Variants in DENND2B observed in about 807,000 individuals in gnomAD.
DENND2B encodes the protein DENN domain containing 2B.
In DENND2B, 32 loss-of-function variants were observed where a neutral mutation model predicts 116.0. The ratio of observed to expected loss-of-function variants is 0.28; its 90% CI spans 0.21 to 0.37. DENND2B has a LOEUF of 0.37. Among genes scored for constraint, DENND2B ranks in the 10% least tolerant of loss-of-function variants. The pLI is 1.00. For synonymous variants in DENND2B, 588 were observed against 583.9 expected (o/e 1.01, Z -0.10); for missense variants, 1,276 against 1,477.7 (o/e 0.86, Z 2.24).
intron 1 of DENND2B, among the ~76,000 whole-genome samples, chr11:8,779,375 G>A (rs2058097507): frequency 6.6e-6 from 1 of 152,208 alleles, no homozygotes; most frequent in Non-Finnish European, 1.5e-5. Flanking sequence ...AGCAGGTATG[G>A]AGGAAGGAAA....
rs544343908 is a variant in DENND2B at position 8,762,324 on chromosome 11, G to T, written c.-25-11599C>A. Among the ~76,000 whole-genome samples the T allele has an allele frequency of 3.3e-5, 5 of 152,140 alleles. No homozygotes were observed. The South Asian group carries it at 1.0e-3, about 32-fold the overall frequency. On this transcript the variant is annotated intron_variant, in intron 1 of 19. Coordinates refer to ENST00000313726, the MANE Select transcript of DENND2B (RefSeq NM_213618.2). ...CACACCAGGTGTGTTCCTACCCCAG[G>T]GCCTTCACACCTGCTGTACCCTGTA...
intron 4 of DENND2B, among the ~76,000 whole-genome samples, chr11:8,822,841 C>A (rs1028531897): frequency 2.0e-5 from 3 of 152,222 alleles, no homozygotes; most frequent in African/African-American, 7.2e-5. Context: ...TAATGCAGTA[C>A]TTTCTTTGTA....
chr11:8,819,427 G>A (rs2061685521), intron 4 of DENND2B, among the ~76,000 whole-genome samples: 1 of 152,124 alleles, frequency 6.6e-6, no homozygotes, highest in Admixed American at 6.5e-5. Flanking sequence ...GATAAAATGG[G>A]ATATTTGTGT....
intron 1 of DENND2B, among the ~76,000 whole-genome samples, chr11:8,804,007 A>G (rs1239911177): frequency 6.6e-6 from 1 of 152,214 alleles, no homozygotes; most frequent in Non-Finnish European, 1.5e-5. Context: ...CCAGCAGGAA[A>G]GGGGCAGGCG....
At chr11:8,885,542 T>A (rs2063950966) in intron 1 of DENND2B, among the ~76,000 whole-genome samples, 1 of 152,252 alleles carries the variant, frequency 6.6e-6, no homozygotes, top group African/African-American at 2.4e-5. Flanking sequence ...TTATGCATAC[T>A]TAATTAACAT....
chr11:8,739,196 C>T (rs909407799), intron 2 of DENND2B, among the ~76,000 whole-genome samples: 1 of 152,238 alleles, frequency 6.6e-6, no homozygotes, highest in Non-Finnish European at 1.5e-5. Flanking sequence ...CCTCGCCTTT[C>T]TCTTTGTGGT....
intron 1 of DENND2B, among the ~76,000 whole-genome samples, chr11:8,906,482 AGCCACCGC>A (rs1395732672): frequency 4.2e-5 from 6 of 144,506 alleles, no homozygotes; most frequent in Non-Finnish European, 9.0e-5. Flanking sequence ...TACAGGTGTG[AGCCACCGC>A]GCCCAGCCAA....
At chr11:8,773,258 A>T (rs1262975623) in intron 1 of DENND2B, among the ~76,000 whole-genome samples, 2 of 152,082 alleles carry the variant, frequency 1.3e-5, no homozygotes, top group Non-Finnish European at 2.9e-5. Flanking sequence ...ACAGCCAGCC[A>T]GCCTGCCTGC....
intron 4 of DENND2B, among the ~76,000 whole-genome samples, chr11:8,836,413 C>CTTTTTT (rs67181023): frequency 4.0e-4 from 31 of 77,552 alleles, no homozygotes; most frequent in East Asian, 9.0e-4. Context: ...TTCTGTACTT[C>CTTTTTT]TTTTTTTTTT....
intron 4 of DENND2B, among the ~76,000 whole-genome samples, chr11:8,825,816 A>C (rs536465394): frequency 4.7e-4 from 71 of 152,204 alleles, no homozygotes; most frequent in Non-Finnish European, 8.4e-4. Flanking sequence ...GGAAAGGTTC[A>C]ATATGAGTCA....
At chr11:8,887,849 T>A (rs1192754114) in intron 1 of DENND2B, among the ~76,000 whole-genome samples, 1 of 152,088 alleles carries the variant, frequency 6.6e-6, no homozygotes, top group Non-Finnish European at 1.5e-5. Context: ...CTGAGGTCCC[T>A]CCCCATGATC....
chr11:8,770,087 G>A (rs888577705), intron 1 of DENND2B, among the ~76,000 whole-genome samples: 6 of 152,160 alleles, frequency 3.9e-5, no homozygotes, highest in Non-Finnish European at 8.8e-5. Flanking sequence ...GCTGTGAAGG[G>A]CAACTGTGGC....
chr11:8,830,893 T>C (rs2062179116), intron 4 of DENND2B: 1 of 152,206 alleles, frequency 6.6e-6, no homozygotes, highest in African/African-American at 2.4e-5. Flanking sequence ...AGTGGGAAGA[T>C]AAAAGGAAGA....
At chr11:8,876,675 A>C (rs1318814301) in intron 2 of DENND2B, among the ~76,000 whole-genome samples, 1 of 152,044 alleles carries the variant, frequency 6.6e-6, no homozygotes, top group African/African-American at 2.4e-5. Flanking sequence ...TCAGGAGTTC[A>C]AGACCAGCCT....
At chr11:8,759,674 A>G (rs895872888) in intron 1 of DENND2B, among the ~76,000 whole-genome samples, 3 of 152,244 alleles carry the variant, frequency 2.0e-5, no homozygotes, top group African/African-American at 7.2e-5. Context: ...GTGACAGTAT[A>G]GTGACCCAAC....
intron 1 of DENND2B, among the ~76,000 whole-genome samples, chr11:8,796,262 C>T (rs1366005715): frequency 6.6e-6 from 1 of 152,168 alleles, no homozygotes; most frequent in Non-Finnish European, 1.5e-5. Flanking sequence ...GAAGTATGGA[C>T]CGGACACAGT....
chr11:8,790,974 GT>G (rs2134329354), intron 1 of DENND2B, among the ~76,000 whole-genome samples: 1 of 152,288 alleles, frequency 6.6e-6, no homozygotes, highest in Non-Finnish European at 1.5e-5. Context: ...CTAGCTTAGT[GT>G]CTGGGACATA....
At chr11:8,751,067 A>T (rs574643780) in intron 1 of DENND2B, among the ~76,000 whole-genome samples, 68 of 151,960 alleles carry the variant, frequency 4.5e-4, no homozygotes, top group African/African-American at 1.5e-3. Context: ...TCTGCTGGGG[A>T]CTTGGAGAAT....
intron 2 of DENND2B, among the ~76,000 whole-genome samples, chr11:8,880,541 A>G (rs573746573): frequency 6.6e-6 from 1 of 152,298 alleles, no homozygotes; most frequent in East Asian, 1.9e-4. Context: ...AGATAAAGTG[A>G]TCTCCAATAA....
Sources: allele counts gnomAD v4.1 joint callset (sites outside exome capture counted in the v4.1 genomes callset), GRCh38; gene constraint gnomAD v4.1.1; transcripts MANE v1.5; gene names NCBI Gene and HGNC (gene_info 2026-07-23, HGNC 2026-07-21).